Variants in SENP2 observed in about 807,000 individuals in gnomAD.
SENP2 encodes the protein sentrin-specific protease 2.
Under a neutral mutation model 86.3 loss-of-function variants are expected in SENP2, and 16 were observed. The ratio of observed to expected loss-of-function variants is 0.19; its 90% CI spans 0.13 to 0.28. The LOEUF is 0.28. Ranked by LOEUF, SENP2 falls within the 10% of genes least tolerant of loss-of-function variation. The probability of loss-of-function intolerance (pLI) is 1.00; values close to 1 mark genes in which losing one functional copy is unlikely to be tolerated. For missense variants in SENP2, 552 were observed against 703.0 expected (o/e 0.79, Z 2.43); for synonymous variants, 222 against 238.7 (o/e 0.93, Z 0.64).
At chr3:185,598,034 A>G (rs1302937882) in intron 2 of SENP2, among the ~76,000 whole-genome samples, 1 of 151,396 alleles carries the variant, frequency 6.6e-6, no homozygotes, top group Non-Finnish European at 1.5e-5. Context: ...TTTTTCAGAG[A>G]CAGAGTCTCA....
rs1212304122 is a variant in SENP2 at position 185,614,568 on chromosome 3, G to C, written c.938G>C (p.Arg313Thr). The C allele has an allele frequency of 6.2e-7, 1 of 1,610,998 alleles. No individual in the cohort carries two copies. The highest frequency in any genetic ancestry group is 8.5e-7 in the Non-Finnish European group (1 of 1,178,906). Residue 313 changes from arginine to threonine, a missense_variant, in exon 11 of 17, where the codon AGG (arginine) becomes ACG (threonine). Arg to Thr is a moderately conservative substitution (Grantham distance 71). Transcript: ENST00000296257. Reference protein sequence around the residue: ...VGIRFENESRRGYQLEPDLSE... With the variant: ...VGIRFENESRTGYQLEPDLSE... ...TTTAGATAATTTTTTGATCAGAGGA[G>C]GGGATACCAACTGGAGCCTGACCTA...
In SENP2 at chr3:185,611,748, G is replaced by A. The variant is rs369052913; in HGVS notation, c.817+3G>A. The A allele has an allele frequency of 1.2e-6, 2 of 1,603,624 alleles. No homozygotes were observed. The highest frequency in any genetic ancestry group is 1.7e-6 in the Non-Finnish European group (2 of 1,171,774). On this transcript the variant is annotated splice_donor_region_variant and intron_variant, in intron 8 of 16. Coordinates refer to ENST00000296257, the MANE Select transcript of SENP2 (RefSeq NM_021627.3). The stretch of plus-strand genomic sequence containing the variant: ...AACTCAGTTTGTTCCAAAACAATGT[G>A]AGTTCCCAGATTTAGCCTTGTCTTA...
intron 16 of SENP2, among the ~76,000 whole-genome samples, chr3:185,627,371 G>A (rs1209766505): frequency 6.6e-6 from 1 of 152,196 alleles, no homozygotes; most frequent in African/African-American, 2.4e-5. Flanking sequence ...TGTAACTTGT[G>A]AATACTGCTT....
chr3:185,619,148 T>C (rs911193727), intron 12 of SENP2, 151 bp from the exon 13 acceptor site: 1 of 624,054 alleles, frequency 1.6e-6, no homozygotes, highest in Non-Finnish European at 2.8e-6. Flanking sequence ...CATTTTGCAC[T>C]GATCACTTTT....
chr3:185,619,036 T>G (rs1378340364), intron 12 of SENP2, among the ~76,000 whole-genome samples: 7 of 152,230 alleles, frequency 4.6e-5, no homozygotes, highest in African/African-American at 1.7e-4. Flanking sequence ...TATGTAGATC[T>G]TTCCATTATT....
At position 185,598,496 on chromosome 3, in the gene SENP2, T is replaced by A; in HGVS notation, c.242T>A (p.Met81Lys). Residue 81 changes from methionine (M) to lysine (K), a missense_variant, in exon 3 of 17, where the codon ATG (methionine) becomes AAG (lysine). Physicochemically the swap from Met to Lys is moderately conservative, Grantham distance 95. Coordinates refer to ENST00000296257, the MANE Select transcript of SENP2 (RefSeq NM_021627.3). ...CCATTCCAGCTGACCACAAAGCCCA[T>A]GGTAACTTCTGCTTGTAATGGAACA... Reference protein sequence around the residue: ...GFPFQLTTKPMVTSACNGTRN... With the variant: ...GFPFQLTTKPKVTSACNGTRN... The A allele has an allele frequency of 6.2e-7, 1 of 1,614,100 alleles. No homozygotes were observed. Among genetic ancestry groups the A allele is most frequent in the Admixed American group, 1.7e-5 (1 of 60,004 alleles).
intron 5 of SENP2, among the ~76,000 whole-genome samples, chr3:185,603,901 C>G (rs978166228): frequency 6.6e-6 from 1 of 152,134 alleles, no homozygotes; most frequent in South Asian, 2.1e-4. Context: ...GTGGGCAGAT[C>G]ACTTGAGGCC....
In SENP2 at chr3:185,602,389, G is replaced by T. The variant is rs6791626; in HGVS notation, c.449+1534G>T. On this transcript the variant is annotated intron_variant, in intron 5 of 16. Coordinates refer to ENST00000296257, the MANE Select transcript of SENP2 (RefSeq NM_021627.3). ...GGCATGCCACCCTGACAGAGGAGGA[G>T]ATTTCAAAGGGGCTTTCACTGGCCA... 5.5e-3 allele frequency among the ~76,000 whole-genome samples: 831 copies of T among 152,282 alleles called. 10 individuals are homozygous for T. Among genetic ancestry groups the T allele is most frequent in the African/African-American group, 0.019 (772 of 41,550 alleles).
intron 1 of SENP2, among the ~76,000 whole-genome samples, chr3:185,589,776 C>T (rs1721915808): frequency 6.6e-6 from 1 of 152,158 alleles, no homozygotes; most frequent in Admixed American, 6.5e-5. Flanking sequence ...TCAAGTGATC[C>T]TCCTGCCTTA....
At chr3:185,598,390 A>T in intron 2 of SENP2, 22 bp from the exon 3 acceptor site, 1 of 1,609,446 alleles carries the variant, frequency 6.2e-7, no homozygotes, top group South Asian at 1.1e-5. Context: ...CTTTATATTT[A>T]CAGTTTGTTG....
chr3:185,629,864 TC>T lies in SENP2; in HGVS notation c.*21del. On this transcript the variant is annotated 3_prime_UTR_variant, in exon 17 of 17. Transcript: ENST00000296257. ...CTGTGAGAAAACTTTGCCTGGTCCC[TC>T]TAGCTGCTGGTGGTTCTTTCACAGA... The T allele has an allele frequency of 6.2e-7, 1 of 1,612,438 alleles. No homozygotes were observed. The highest frequency in any genetic ancestry group is 8.5e-7 in the Non-Finnish European group (1 of 1,178,514).
intron 2 of SENP2, among the ~76,000 whole-genome samples, chr3:185,596,461 A>T (rs565276641): frequency 6.6e-6 from 1 of 151,988 alleles, no homozygotes; most frequent in South Asian, 2.1e-4. Flanking sequence ...TCTACCAAAA[A>T]ATCAAAAAAA....
rs80053091 is a variant in SENP2, at chr3:185,622,685, G to A, written c.1526+780G>A. ...TTTGTAAGATGTGTATAAATTGTGC[G>A]CACATACATTTGCATTCATATGTAT... is the stretch of plus-strand genomic sequence containing the variant. On this transcript the variant is annotated intron_variant, in intron 14 of 16. Transcript: ENST00000296257. Among the ~76,000 whole-genome samples, 138 of 151,988 alleles carry A rather than the reference G, an allele frequency of 9.1e-4. No individual in the cohort carries two copies. In the East Asian group the frequency reaches 0.021, roughly 23 times the overall value.
intron 5 of SENP2, among the ~76,000 whole-genome samples, chr3:185,605,829 A>G (rs1722493726): frequency 6.6e-6 from 1 of 152,114 alleles, no homozygotes; most frequent in African/African-American, 2.4e-5. Context: ...CAGTTCCTTT[A>G]GTGTTTATTA....
intron 16 of SENP2, among the ~76,000 whole-genome samples, chr3:185,627,790 G>C (rs1250442653): frequency 6.6e-6 from 1 of 152,308 alleles, no homozygotes; most frequent in South Asian, 2.1e-4. Context: ...TTGAGAATTT[G>C]TAACAGTGGA....
chr3:185,587,118 C>G (rs1407154428), intron 1 of SENP2, among the ~76,000 whole-genome samples: 2 of 152,128 alleles, frequency 1.3e-5, no homozygotes, highest in African/African-American at 2.4e-5. Context: ...AAACGCAAAG[C>G]TATTCTTTTC....
chr3:185,611,591 G>A lies in SENP2; in HGVS notation c.723-60G>A, dbSNP rs1324818603. 4.0e-6 allele frequency: 4 copies of A among 1,011,528 alleles called. No individual in the cohort carries two copies. The African/African-American group carries it at 4.8e-5, about 12-fold the overall frequency. 62.7% of individuals were successfully genotyped at this position (1,011,528 alleles called of 1,614,324 possible). A position where few individuals can be genotyped will look rare whatever the true frequency, so the allele number is the denominator to read the frequency against. On this transcript the variant is annotated intron_variant, in intron 7 of 16. Coordinates refer to ENST00000296257, the MANE Select transcript of SENP2 (RefSeq NM_021627.3). Reference sequence around the variant, plus strand: ...GAGAAGCTTGCTGGACAGAGATAATGCATATTAATGGTAGACTTTGCTTTT... The same window carrying A: ...GAGAAGCTTGCTGGACAGAGATAATACATATTAATGGTAGACTTTGCTTTT...
At chr3:185,624,110 T>C (rs968672684) in intron 15 of SENP2, 28 bp downstream of exon 15, 6 of 1,511,820 alleles carry the variant, frequency 4.0e-6, no homozygotes, top group East Asian at 4.6e-5. Flanking sequence ...ACATGTGACA[T>C]ACTTGGTTGC....
chr3:185,599,943 C>G (rs1722291457), intron 4 of SENP2, among the ~76,000 whole-genome samples: 2 of 151,832 alleles, frequency 1.3e-5, no homozygotes. Context: ...GGATTACAGG[C>G]ATGCGCCACC....
Sources: allele counts gnomAD v4.1 joint callset (sites outside exome capture counted in the v4.1 genomes callset), GRCh38; gene constraint gnomAD v4.1.1; transcripts MANE v1.5; gene names NCBI Gene and HGNC (gene_info 2026-07-23, HGNC 2026-07-21).